The following IGF2BP2 variants were observed in gnomAD, a reference collection of about 807,000 sequenced individuals.
IGF2BP2 encodes the protein insulin-like growth factor 2 mRNA-binding protein 2.
IGF2BP2 carries 17 observed loss-of-function variants against 75.8 expected under a neutral mutation model. That is an observed-to-expected ratio of 0.22 (90% CI 0.15 to 0.34). The LOEUF is 0.34. Ranked by LOEUF, IGF2BP2 falls within the 10% of genes least tolerant of loss-of-function variation. The pLI is 1.00. For missense variants in IGF2BP2, 516 were observed against 772.4 expected (o/e 0.67, Z 3.93); for synonymous variants, 288 against 295.6 (o/e 0.97, Z 0.26).
Position 185,739,431 on chromosome 3 carries a change from T to A in IGF2BP2, c.240-41084A>T, listed in dbSNP as rs79306057. Among the ~76,000 whole-genome samples the A allele has an allele frequency of 3.4e-3, 525 of 152,330 alleles. 2 individuals carry two copies. The highest frequency in any genetic ancestry group is 5.2e-3 in the Non-Finnish European group (352 of 68,028). ...AAACTAAGTCCTTCAAATTGTGCCG[T>A]ATGGCTCAAATGTCTTCCTAAACCC... On this transcript the variant is annotated intron_variant, in intron 2 of 15. Coordinates refer to ENST00000382199, the MANE Select transcript of IGF2BP2 (RefSeq NM_006548.6).
chr3:185,658,941 GAAGGGAGA>G (rs1296388031), intron 10 of IGF2BP2, among the ~76,000 whole-genome samples: 3 of 152,340 alleles, frequency 2.0e-5, no homozygotes, highest in South Asian at 2.1e-4. Context: ...AGAATCCTGA[GAAGGGAGA>G]AATGTCAAAG....
chr3:185,802,694 G>C (rs374321054), intron 2 of IGF2BP2, among the ~76,000 whole-genome samples: 1 of 152,130 alleles, frequency 6.6e-6, no homozygotes, highest in Admixed American at 6.5e-5. Flanking sequence ...TTACCAACTA[G>C]GTATAAAATT....
chr3:185,780,970 A>T (rs1735133945), intron 2 of IGF2BP2, among the ~76,000 whole-genome samples: 1 of 152,206 alleles, frequency 6.6e-6, no homozygotes, highest in African/African-American at 2.4e-5. Flanking sequence ...TTTAAATATA[A>T]TACCTATCCA....
Position 185,654,333 on chromosome 3 carries a change from G to A in IGF2BP2, c.1387-2165C>T, listed in dbSNP as rs140406620. Among the ~76,000 whole-genome samples the A allele has an allele frequency of 3.4e-3, 516 of 152,252 alleles. 5 individuals carry two copies. Among genetic ancestry groups the A allele is most frequent in the African/African-American group, 0.012 (482 of 41,542 alleles). ...ACAGAGCCTGGCCATTGAGACTTCT[G>A]GCAGGATCCCTTGACTCTACTTTGA... On this transcript the variant is annotated intron_variant, in intron 12 of 15. Coordinates refer to ENST00000382199, the MANE Select transcript of IGF2BP2 (RefSeq NM_006548.6).
At chr3:185,680,155 A>G (rs1720159941) in intron 7 of IGF2BP2, among the ~76,000 whole-genome samples, 1 of 152,238 alleles carries the variant, frequency 6.6e-6, no homozygotes, top group Non-Finnish European at 1.5e-5. Context: ...AAAAAGGATT[A>G]TAAGAGAATA....
chr3:185,753,868 G>C (rs959744422), intron 2 of IGF2BP2, among the ~76,000 whole-genome samples: 3 of 152,054 alleles, frequency 2.0e-5, no homozygotes, highest in African/African-American at 2.4e-5. Flanking sequence ...TTGGTGATAA[G>C]TGAGTTCTCA....
chr3:185,733,832 C>CAAACAGTAGTTTGTTTCCT (rs966548684), intron 2 of IGF2BP2, among the ~76,000 whole-genome samples: 1 of 152,042 alleles, frequency 6.6e-6, no homozygotes, highest in African/African-American at 2.4e-5. Flanking sequence ...TAAAAACAAA[C>CAAACAGTAGTTTGTTTCCT]AAACAGTAGT....
At chr3:185,688,516 T>A (rs1721465555) in intron 6 of IGF2BP2, among the ~76,000 whole-genome samples, 1 of 152,180 alleles carries the variant, frequency 6.6e-6, no homozygotes, top group African/African-American at 2.4e-5. Flanking sequence ...CTGATTTTTG[T>A]ATTTTTAGTA....
chr3:185,721,093 G>C (rs1278375168), intron 2 of IGF2BP2, among the ~76,000 whole-genome samples: 2 of 152,106 alleles, frequency 1.3e-5, no homozygotes, highest in African/African-American at 4.8e-5. Flanking sequence ...GAAGCCCCAG[G>C]CGTCTTAATT....
At position 185,820,540 on chromosome 3, in the gene IGF2BP2, C is replaced by T. The variant is rs547251684; in HGVS notation, c.239+2613G>A. Among the ~76,000 whole-genome samples, 6 of 152,072 alleles carry T rather than the reference C, an allele frequency of 3.9e-5. No homozygotes were observed. The East Asian group carries it at 5.8e-4, about 15-fold the overall frequency. ...TTGCATTTAATAAGAATAAAACATA[C>T]GCTGCAAAAAGAAAAGAGTTTTCTA... is the stretch of plus-strand genomic sequence containing the variant. On this transcript the variant is annotated intron_variant, in intron 2 of 15. Transcript: ENST00000382199.
rs551277080 is a variant in IGF2BP2 at position 185,650,632 on chromosome 3, G to A, written c.1462-1098C>T. Among the ~76,000 whole-genome samples, 19 of 151,250 alleles carry A rather than the reference G, an allele frequency of 1.3e-4. No individual in the cohort carries two copies. The East Asian group carries it at 1.6e-3, about 12-fold the overall frequency. ...ATGGAGGTTGCAGTGAGCCGAGATC[G>A]CACCACTGCACTCCAGCATGGGTGA... On this transcript the variant is annotated intron_variant, in intron 13 of 15. Transcript: ENST00000382199.
At chr3:185,756,875 T>C (rs1731689124) in intron 2 of IGF2BP2, among the ~76,000 whole-genome samples, 1 of 152,214 alleles carries the variant, frequency 6.6e-6, no homozygotes, top group Non-Finnish European at 1.5e-5. Context: ...GTCTAGAGAC[T>C]GAGGTGGGAA....
chr3:185,698,593 C>A (rs1029596133), intron 2 of IGF2BP2, among the ~76,000 whole-genome samples: 4 of 152,132 alleles, frequency 2.6e-5, no homozygotes, highest in Non-Finnish European at 5.9e-5. Context: ...CAACCTCTGC[C>A]TCCCAGGTTC....
At chr3:185,761,174 C>T (rs926989898) in intron 2 of IGF2BP2, among the ~76,000 whole-genome samples, 9 of 151,836 alleles carry the variant, frequency 5.9e-5, no homozygotes, top group Admixed American at 2.0e-4. Flanking sequence ...TAGGCTCCAA[C>T]GAAAGGATAC....
At chr3:185,798,577 A>T (rs1024391259) in intron 2 of IGF2BP2, among the ~76,000 whole-genome samples, 12 of 152,106 alleles carry the variant, frequency 7.9e-5, no homozygotes, top group Non-Finnish European at 1.3e-4. Context: ...ATGACACATT[A>T]TTGGTCCCAT....
chr3:185,743,879 A>G (rs1322440441), intron 2 of IGF2BP2, among the ~76,000 whole-genome samples: 1 of 152,198 alleles, frequency 6.6e-6, no homozygotes, highest in African/African-American at 2.4e-5. Flanking sequence ...TAGAAAATCA[A>G]AGGTAATCCG....
At chr3:185,765,636 C>T (rs896294335) in intron 2 of IGF2BP2, among the ~76,000 whole-genome samples, 5 of 152,186 alleles carry the variant, frequency 3.3e-5, no homozygotes, top group Admixed American at 6.5e-5. Flanking sequence ...ATGAAAGGCA[C>T]GCAGAAGTGC....
chr3:185,669,533 T>A (rs1290317706), intron 10 of IGF2BP2, among the ~76,000 whole-genome samples: 13 of 120,132 alleles, frequency 1.1e-4, no homozygotes, highest in Non-Finnish European at 1.5e-4. Context: ...ACTATGCACA[T>A]ATTACTATTA....
intron 2 of IGF2BP2, among the ~76,000 whole-genome samples, chr3:185,701,675 C>T (rs1328794198): frequency 6.6e-6 from 1 of 152,148 alleles, no homozygotes; most frequent in Non-Finnish European, 1.5e-5. Context: ...CTGGGAATGT[C>T]CTGCTTTGTT....
Sources: allele counts gnomAD v4.1 joint callset (sites outside exome capture counted in the v4.1 genomes callset), GRCh38; gene constraint gnomAD v4.1.1; transcripts MANE v1.5; gene names NCBI Gene and HGNC (gene_info 2026-07-23, HGNC 2026-07-21).